Variants in SLC22A3 observed in about 807,000 individuals in gnomAD.
SLC22A3 encodes the protein solute carrier family 22 member 3, also known as EMT organic cation transporter 3.
A neutral mutation model predicts 59.1 loss-of-function variants in SLC22A3; 51 were observed. The observed-to-expected ratio is 0.86, with a 90% confidence interval of 0.69 to 1.09. The LOEUF (loss-of-function observed/expected upper bound fraction) is 1.09, where lower values mean the gene tolerates loss of function less well. SLC22A3 is among the 50% of genes least tolerant of loss of function. SLC22A3 has a pLI of 0.00. For missense variants in SLC22A3, 711 were observed against 726.3 expected (o/e 0.98, Z 0.24); for synonymous variants, 325 against 292.0 (o/e 1.11, Z -1.15).
At position 160,348,570 on chromosome 6, in the gene SLC22A3, T is replaced by C; in HGVS notation, c.151T>C (p.Cys51Arg). ...GGGCACGCAGCCCGACCACTACTGG[T>C]GCCGCGGGCCAAGTGCCGCGGCGCT... ...FLGTQPDHYW[C>R]RGPSAAALAE... The change falls in exon 1 of 11, where the codon TGC becomes CGC. Residue 51 changes from cysteine to arginine, a missense_variant. Coordinates refer to ENST00000275300, the MANE Select transcript of SLC22A3 (RefSeq NM_021977.4). 6.5e-7 allele frequency: 1 copy of C among 1,539,700 alleles called. No individual in the cohort carries two copies. Among genetic ancestry groups the C allele is most frequent in the Non-Finnish European group, 8.7e-7 (1 of 1,153,038 alleles).
chr6:160,439,355 A>G (rs1334580738), intron 7 of SLC22A3, among the ~76,000 whole-genome samples: 3 of 152,206 alleles, frequency 2.0e-5, no homozygotes, highest in Non-Finnish European at 2.9e-5. Context: ...TGAAATATTC[A>G]TTGTATATGA....
At chr6:160,432,465 G>GAC (rs1788186626) in intron 5 of SLC22A3, among the ~76,000 whole-genome samples, 1 of 136,934 alleles carries the variant, frequency 7.3e-6, no homozygotes, top group Non-Finnish European at 1.5e-5. Flanking sequence ...GAGTCTCCCC[G>GAC]ACACCCAGGC....
At chr6:160,392,486 C>G (rs929915797) in intron 1 of SLC22A3, among the ~76,000 whole-genome samples, 3 of 152,230 alleles carry the variant, frequency 2.0e-5, no homozygotes, top group African/African-American at 4.8e-5. Context: ...CTCCCAGGGA[C>G]AGAAACAAGG....
At chr6:160,440,374 T>C (rs2114920450) in intron 7 of SLC22A3, among the ~76,000 whole-genome samples, 1 of 152,344 alleles carries the variant, frequency 6.6e-6, no homozygotes, top group Middle Eastern at 3.4e-3. Context: ...CACTAAACTT[T>C]ATTTCAGAAC....
intron 5 of SLC22A3, chr6:160,426,287 A>G: frequency 1.0e-6 from 1 of 985,414 alleles, no homozygotes; most frequent in South Asian, 4.7e-5. Context: ...AATGGAGGAA[A>G]TTCCGAGATG....
intron 1 of SLC22A3, among the ~76,000 whole-genome samples, chr6:160,365,393 G>C (rs1785170838): frequency 6.6e-6 from 1 of 152,190 alleles, no homozygotes; most frequent in South Asian, 2.1e-4. Context: ...AGGGCTGTTA[G>C]ATTTTAGATG....
intron 9 of SLC22A3, 131 bp from the exon 10 acceptor site, chr6:160,447,588 G>T: frequency 1.3e-6 from 1 of 765,764 alleles, no homozygotes; most frequent in Non-Finnish European, 2.4e-6. Flanking sequence ...GCATTGATCT[G>T]GGATGCAGAG....
chr6:160,367,151 G>C (rs1406400298), intron 1 of SLC22A3, among the ~76,000 whole-genome samples: 3 of 152,154 alleles, frequency 2.0e-5, no homozygotes, highest in Non-Finnish European at 4.4e-5. Context: ...AGGTTTAATT[G>C]ACTCATGGTT....
At chr6:160,411,556 G>A (rs1787249151) in intron 5 of SLC22A3, among the ~76,000 whole-genome samples, 1 of 152,058 alleles carries the variant, frequency 6.6e-6, no homozygotes, top group Admixed American at 6.5e-5. Flanking sequence ...GGGCAACATA[G>A]CAAGACCCCA....
chr6:160,448,489 G>T (rs1788831630), intron 10 of SLC22A3, among the ~76,000 whole-genome samples: 1 of 152,102 alleles, frequency 6.6e-6, no homozygotes. Context: ...ACAGGTAGAT[G>T]ATAGGTAATG....
chr6:160,438,955 A>G (rs1435253222), intron 7 of SLC22A3, among the ~76,000 whole-genome samples: 1 of 151,918 alleles, frequency 6.6e-6, no homozygotes, highest in East Asian at 1.9e-4. Flanking sequence ...TGTCAGTGTC[A>G]CCTTGACTAA....
chr6:160,432,431 A>G (rs1562498997), intron 5 of SLC22A3, among the ~76,000 whole-genome samples: 1 of 138,886 alleles, frequency 7.2e-6, no homozygotes, highest in Non-Finnish European at 1.6e-5. Context: ...ATGTAGGCTT[A>G]ATTTTTTTTT....
At chr6:160,413,637 A>G (rs1318455041) in intron 5 of SLC22A3, among the ~76,000 whole-genome samples, 1 of 152,238 alleles carries the variant, frequency 6.6e-6, no homozygotes, top group Non-Finnish European at 1.5e-5. Flanking sequence ...AGGAGGAGCA[A>G]GAACTATTCC....
chr6:160,433,632 G>A (rs887624988), intron 5 of SLC22A3, among the ~76,000 whole-genome samples: 11 of 152,018 alleles, frequency 7.2e-5, no homozygotes, highest in Admixed American at 5.9e-4. Flanking sequence ...TGCTTGAGTC[G>A]GGAGGTTGAG....
intron 5 of SLC22A3, among the ~76,000 whole-genome samples, chr6:160,421,284 T>C (rs941201109): frequency 1.3e-5 from 2 of 152,202 alleles, no homozygotes; most frequent in Admixed American, 1.3e-4. Context: ...TCCTATTGCT[T>C]GGTGGAGAGC....
At chr6:160,370,290 G>A (rs1785353619) in intron 1 of SLC22A3, among the ~76,000 whole-genome samples, 1 of 152,226 alleles carries the variant, frequency 6.6e-6, no homozygotes, top group Non-Finnish European at 1.5e-5. Flanking sequence ...TTTTGAAAGA[G>A]CATGTGTGGG....
Position 160,417,852 on chromosome 6 carries a change from G to T in SLC22A3, c.975+7006G>T, listed in dbSNP as rs552508856. 1.2e-4 allele frequency among the ~76,000 whole-genome samples: 18 copies of T among 152,286 alleles called. No homozygotes were observed. The East Asian group carries it at 1.7e-3, about 15-fold the overall frequency. ...AGAAAATTCCCAGGCTTACCTATGG[G>T]CCCCAAAGGAGGCTGAGAGACATTC... On this transcript the variant is annotated intron_variant, in intron 5 of 10. Coordinates refer to ENST00000275300, the MANE Select transcript of SLC22A3 (RefSeq NM_021977.4).
At chr6:160,414,631 G>T (rs1787395418) in intron 5 of SLC22A3, among the ~76,000 whole-genome samples, 1 of 152,198 alleles carries the variant, frequency 6.6e-6, no homozygotes, top group Non-Finnish European at 1.5e-5. Flanking sequence ...ATGGCAGAAA[G>T]GGAAGCAAAC....
At chr6:160,361,870 G>A (rs1339818257) in intron 1 of SLC22A3, among the ~76,000 whole-genome samples, 2 of 152,318 alleles carry the variant, frequency 1.3e-5, no homozygotes, top group African/African-American at 2.4e-5. Flanking sequence ...TCCAAAAGGC[G>A]ACTAAGCACA....
Sources: allele counts gnomAD v4.1 joint callset (sites outside exome capture counted in the v4.1 genomes callset), GRCh38; gene constraint gnomAD v4.1.1; transcripts MANE v1.5; gene names NCBI Gene and HGNC (gene_info 2026-07-23, HGNC 2026-07-21).